Variants in CSNK1G2 observed in about 807,000 individuals in gnomAD.
CSNK1G2 encodes casein kinase 1 gamma 2.
CSNK1G2 carries 11 observed loss-of-function variants against 48.0 expected under a neutral mutation model. That is an observed-to-expected ratio of 0.23 (90% confidence interval 0.14 to 0.38). The LOEUF is 0.38. Among genes scored for constraint, CSNK1G2 ranks in the 10% least tolerant of loss-of-function variants. The pLI, the probability that CSNK1G2 is intolerant of heterozygous loss-of-function variation, is 1.00. For synonymous variants in CSNK1G2, 337 were observed against 254.1 expected (o/e 1.33, Z -3.10); for missense variants, 446 against 595.5 (o/e 0.75, Z 2.61).
intron 1 of CSNK1G2, among the ~76,000 whole-genome samples, chr19:1,961,901 C>T (rs1218322942): frequency 6.6e-6 from 1 of 152,196 alleles, no homozygotes; most frequent in East Asian, 1.9e-4. Context: ...CAACCACGGC[C>T]ACTCGGCCAC....
rs970119528 is a variant in CSNK1G2, at chr19:1,959,887, G to A, written c.-265-9621G>A. On this transcript the variant is annotated intron_variant, in intron 1 of 11. Coordinates refer to ENST00000255641, the MANE Select transcript of CSNK1G2 (RefSeq NM_001319.7). ...TGCCACCGTGGGTCCCCCAGCACCC[G>A]CCCCACCTTTAGTGCCACCCTGGGT... Among the ~76,000 whole-genome samples the A allele has an allele frequency of 9.3e-5, 14 of 150,680 alleles. 1 individual carries two copies. Among genetic ancestry groups the A allele is most frequent in the African/African-American group, 3.4e-4 (14 of 40,848 alleles).
intron 1 of CSNK1G2, among the ~76,000 whole-genome samples, chr19:1,947,748 C>A (rs1041057398): frequency 6.6e-6 from 1 of 152,186 alleles, no homozygotes; most frequent in African/African-American, 2.4e-5. Context: ...TGTGCGTTTG[C>A]GCTGGCGTCT....
chr19:1,960,113 G>A (rs1051684316), intron 1 of CSNK1G2, among the ~76,000 whole-genome samples: 1 of 152,174 alleles, frequency 6.6e-6, no homozygotes, highest in African/African-American at 2.4e-5. Context: ...GCCCTCCCTG[G>A]TGCCAGTCCT....
chr19:1,962,933 G>T (rs552136560), intron 1 of CSNK1G2, among the ~76,000 whole-genome samples: 1 of 152,132 alleles, frequency 6.6e-6, no homozygotes, highest in Admixed American at 6.5e-5. Context: ...CCAGATGGCC[G>T]TCAGCAGAGG....
intron 1 of CSNK1G2, among the ~76,000 whole-genome samples, chr19:1,959,471 A>G (rs987568221): frequency 1.3e-5 from 2 of 148,166 alleles, no homozygotes; most frequent in African/African-American, 5.1e-5. Flanking sequence ...AGCCCCCAGC[A>G]CCCGCCCCAC....
intron 1 of CSNK1G2, among the ~76,000 whole-genome samples, chr19:1,958,325 G>A (rs965048541): frequency 1.2e-4 from 19 of 152,134 alleles, no homozygotes; most frequent in African/African-American, 4.3e-4. Flanking sequence ...ACAGGAGCCC[G>A]GCAGGGCCGT....
chr19:1,944,855 C>T (rs915306879), intron 1 of CSNK1G2, among the ~76,000 whole-genome samples: 5 of 152,196 alleles, frequency 3.3e-5, no homozygotes, highest in African/African-American at 9.7e-5. Context: ...ACCCGTCTGG[C>T]GGGCGGGGCC....
intron 1 of CSNK1G2, among the ~76,000 whole-genome samples, chr19:1,962,033 T>C (rs912864624): frequency 6.6e-6 from 1 of 151,992 alleles, no homozygotes; most frequent in African/African-American, 2.4e-5. Context: ...AACACGCAAA[T>C]TAAAATTACA....
chr19:1,972,334 C>T (rs917267740), intron 2 of CSNK1G2, among the ~76,000 whole-genome samples: 1 of 152,244 alleles, frequency 6.6e-6, no homozygotes, highest in African/African-American at 2.4e-5. Context: ...GTCCCCAGCA[C>T]TCAGGACTGT....
chr19:1,978,877 G>T lies in CSNK1G2; in HGVS notation c.466G>T (p.Val156Leu), dbSNP rs1251979378. ...CCTGCAGATCACGCGCATGGAGTATGTGCACACCAAGAGCCTAATCTACCG... is the reference window on the plus strand; with the variant it reads ...CCTGCAGATCACGCGCATGGAGTATTTGCACACCAAGAGCCTAATCTACCG... ...AIQLITRMEY[V>L]HTKSLIYRDV... Residue 156 changes from valine to leucine, a missense_variant, in exon 6 of 12, where the codon GTG (valine) becomes TTG (leucine). Transcript: ENST00000255641. This position sits in a 1 kb window ranked among gnomAD's most constrained non-coding sequence, Gnocchi z 7.3. The T allele has an allele frequency of 1.2e-6, 2 of 1,603,000 alleles. No homozygotes were observed. Among genetic ancestry groups the T allele is most frequent in the Non-Finnish European group, 1.7e-6 (2 of 1,179,410 alleles).
intron 1 of CSNK1G2, among the ~76,000 whole-genome samples, chr19:1,967,411 C>G (rs368778191): frequency 5.3e-5 from 8 of 152,156 alleles, no homozygotes; most frequent in African/African-American, 1.9e-4. Flanking sequence ...ACTGTGGTCC[C>G]CCTTCTTCAG....
intron 1 of CSNK1G2, among the ~76,000 whole-genome samples, chr19:1,962,503 CAAAA>C (rs761164479): frequency 8.3e-6 from 1 of 120,638 alleles, no homozygotes; most frequent in Non-Finnish European, 1.8e-5. Flanking sequence ...CCCATCTCTA[CAAAA>C]AAAAAAAATT....
rs1469524284 is a variant in CSNK1G2 at position 1,959,558 on chromosome 19, TGCC to T, written c.-265-9949_-265-9947del. ...CCCCCAGCACCTGTGCCACCTTTAG[TGCC>T]ACCGTGGGTCCCCCAGCACCCGTCC... On this transcript the variant is annotated intron_variant, in intron 1 of 11. Coordinates refer to ENST00000255641, the MANE Select transcript of CSNK1G2 (RefSeq NM_001319.7). Among the ~76,000 whole-genome samples the T allele has an allele frequency of 1.7e-3, 219 of 127,986 alleles. 26 individuals carry two copies. The highest frequency in any genetic ancestry group is 5.4e-3 in the African/African-American group (165 of 30,470). The allele number at this position is 127,986 out of a possible 152,430, so 84.0% of individuals were successfully genotyped here.
chr19:1,942,943 G>A (rs896992976), intron 1 of CSNK1G2, among the ~76,000 whole-genome samples: 2 of 152,174 alleles, frequency 1.3e-5, no homozygotes, highest in Non-Finnish European at 2.9e-5. Flanking sequence ...GCAGGTACGC[G>A]CACGCCTGCC....
At chr19:1,973,252 C>G (rs1024515469) in intron 2 of CSNK1G2, among the ~76,000 whole-genome samples, 8 of 151,322 alleles carry the variant, frequency 5.3e-5, no homozygotes, top group Non-Finnish European at 1.0e-4. Context: ...GAGACAGAGT[C>G]TCACTCTCTT....
At chr19:1,964,512 CTTG>C (rs1478329401) in intron 1 of CSNK1G2, among the ~76,000 whole-genome samples, 4 of 152,224 alleles carry the variant, frequency 2.6e-5, no homozygotes, top group Non-Finnish European at 4.4e-5. Flanking sequence ...TCTTCACCCT[CTTG>C]TTAGGGGCTA....
At chr19:1,960,246 C>G (rs961463799) in intron 1 of CSNK1G2, among the ~76,000 whole-genome samples, 11 of 152,330 alleles carry the variant, frequency 7.2e-5, no homozygotes, top group Middle Eastern at 3.4e-3. Flanking sequence ...CAGGGAAGGT[C>G]CCCCGGATGG....
chr19:1,973,246 CAG>C (rs1352794956), intron 2 of CSNK1G2, among the ~76,000 whole-genome samples: 1 of 151,494 alleles, frequency 6.6e-6, no homozygotes, highest in African/African-American at 2.4e-5. Context: ...TTTTTTGAGA[CAG>C]AGTCTCACTC....
chr19:1,941,761 C>T (rs1383035037), intron 1 of CSNK1G2, among the ~76,000 whole-genome samples: 1 of 149,822 alleles, frequency 6.7e-6, no homozygotes, highest in Non-Finnish European at 1.5e-5. Flanking sequence ...ACTCCAGACC[C>T]TGCCCCCGCC....
Sources: gnomAD v4.1 joint callset for allele counts (sites outside exome capture counted in the v4.1 genomes callset) on GRCh38, gnomAD v4.1.1 for gene constraint, Gnocchi (gnomAD v3.1) non-coding constraint, MANE v1.5 for transcripts, NCBI Gene and HGNC (gene_info 2026-07-23, HGNC 2026-07-21) for gene names.